Variants in ZAP70 observed in about 807,000 individuals in gnomAD.
The protein encoded by ZAP70 is zeta chain of T cell receptor associated protein kinase 70.
ZAP70 carries 27 observed loss-of-function variants against 65.8 expected under a neutral mutation model. The observed-to-expected ratio is 0.41, with a 90% CI of 0.30 to 0.57. The LOEUF is 0.57. Ranked by LOEUF, ZAP70 falls within the 20% of genes least tolerant of loss-of-function variation. The probability of loss-of-function intolerance (pLI) is 0.28; values close to 1 mark genes in which losing one functional copy is unlikely to be tolerated. For synonymous variants in ZAP70, 363 were observed against 360.8 expected (o/e 1.01, Z -0.07); for missense variants, 696 against 870.5 (o/e 0.80, Z 2.52).
At chr2:97,738,338 C>T in intron 13 of ZAP70, 1 of 587,996 alleles carries the variant, frequency 1.7e-6, no homozygotes, top group East Asian at 2.9e-5. Context: ...GGGCCTGTGC[C>T]TCAGCATCTA....
Position 97,724,237 on chromosome 2 carries a change from C to T in ZAP70, c.201C>T (p.Gly67=), listed in dbSNP as rs1677280795. The change falls in exon 3 of 14, where the codon GGC becomes GGT. Residue 67 remains glycine (G), a synonymous_variant. Transcript: ENST00000264972. ...HHFPIERQLN[G]TYAIAGGKAH... ...TTCCCATCGAGCGCCAGCTCAACGG[C>T]ACCTACGCCATTGCCGGCGGCAAAG... The T allele has an allele frequency of 6.2e-7, 1 of 1,603,840 alleles. No individual in the cohort carries two copies. Among genetic ancestry groups the T allele is most frequent in the East Asian group, 2.2e-5 (1 of 44,666 alleles).
intron 2 of ZAP70, among the ~76,000 whole-genome samples, chr2:97,718,434 C>T (rs994618396): frequency 1.4e-4 from 22 of 152,146 alleles, no homozygotes; most frequent in African/African-American, 5.1e-4. Context: ...CCATGGGGTC[C>T]CTGGGAACTT....
At chr2:97,726,618 G>A (rs977416702) in intron 4 of ZAP70, among the ~76,000 whole-genome samples, 1 of 152,242 alleles carries the variant, frequency 6.6e-6, no homozygotes, top group Non-Finnish European at 1.5e-5. Flanking sequence ...TCTGTAGATT[G>A]CCTGCAGGCC....
At chr2:97,721,453 G>A (rs528002356) in intron 2 of ZAP70, among the ~76,000 whole-genome samples, 124 of 152,088 alleles carry the variant, frequency 8.2e-4, no homozygotes, top group African/African-American at 2.6e-3. Flanking sequence ...TCACTCTGTC[G>A]CCCAGGCTGG....
Position 97,737,436 on chromosome 2 carries a change from C to A in ZAP70, c.1290-37C>A. On this transcript the variant is annotated intron_variant, in intron 10 of 13. Coordinates refer to ENST00000264972, the MANE Select transcript of ZAP70 (RefSeq NM_001079.4). The surrounding 1 kb of genome is among the most constrained non-coding windows in gnomAD (Gnocchi z 5.0). The stretch of plus-strand genomic sequence containing the variant: ...CTTTGCCCCTGGGAACTTGGCTAGT[C>A]TTCTCCCAGCTGACCCCGCCTTCCC... 6.2e-7 allele frequency: 1 copy of A among 1,611,326 alleles called. No individual in the cohort carries two copies. The highest frequency in any genetic ancestry group is 1.1e-5 in the South Asian group (1 of 91,000).
chr2:97,724,864 C>G, intron 3 of ZAP70: 1 of 1,528,144 alleles, frequency 6.5e-7, no homozygotes, highest in Non-Finnish European at 8.8e-7. Flanking sequence ...GGTCTTCAAG[C>G]TGGAGATGCG....
rs1426554436 is a variant in ZAP70, at chr2:97,715,665, T to C, written c.-22+1671T>C. 6.6e-6 allele frequency among the ~76,000 whole-genome samples: 1 copy of C among 152,196 alleles called. No homozygotes were observed. Among genetic ancestry groups the C allele is most frequent in the African/African-American group, 2.4e-5 (1 of 41,456 alleles). ...GGAGTGGTTAGTGCTGGCTGCTGCA[T>C]TGGACAGACCTGAGTTCAAATCCTG... On this transcript the variant is annotated intron_variant, in intron 2 of 13. Coordinates refer to ENST00000264972, the MANE Select transcript of ZAP70 (RefSeq NM_001079.4). The surrounding 1 kb of genome is among the most constrained non-coding windows in gnomAD (Gnocchi z 4.1).
the ZAP70 span, among the ~76,000 whole-genome samples, chr2:97,755,851 GAC>G: frequency 1.3e-5 from 2 of 152,210 alleles, no homozygotes; most frequent in Non-Finnish European, 2.9e-5. Flanking sequence ...TGGTGAGTTG[GAC>G]ACAGACTGTT....
intron 9 of ZAP70, chr2:97,734,922 T>C: frequency 1.3e-6 from 1 of 746,432 alleles, no homozygotes; most frequent in Non-Finnish European, 2.1e-6. Flanking sequence ...AGGGGGAGGC[T>C]GTGGAGCTGA....
At chr2:97,738,924 C>T (rs1486631609) in intron 13 of ZAP70, among the ~76,000 whole-genome samples, 3 of 152,248 alleles carry the variant, frequency 2.0e-5, no homozygotes, top group South Asian at 2.1e-4. Flanking sequence ...TGCCGCTCCC[C>T]GCTGGCCAGA....
intron 4 of ZAP70, among the ~76,000 whole-genome samples, chr2:97,726,172 C>T (rs746705491): frequency 1.3e-5 from 2 of 152,076 alleles, no homozygotes; most frequent in African/African-American, 2.4e-5. Context: ...TGTGGGTGAA[C>T]GTGCGTGTCT....
chr2:97,719,835 A>G (rs1436644827), intron 2 of ZAP70, among the ~76,000 whole-genome samples: 3 of 152,020 alleles, frequency 2.0e-5, no homozygotes, highest in Non-Finnish European at 2.9e-5. Context: ...TATTCCCCCA[A>G]ATTCCGTCCT....
At chr2:97,735,819 C>G (rs999830326) in intron 10 of ZAP70, among the ~76,000 whole-genome samples, 2 of 152,160 alleles carry the variant, frequency 1.3e-5, no homozygotes, top group Non-Finnish European at 2.9e-5. Context: ...CCAGACCATC[C>G]TGGCCAACAT....
At chr2:97,717,454 G>A (rs940920469) in intron 2 of ZAP70, among the ~76,000 whole-genome samples, 14 of 150,100 alleles carry the variant, frequency 9.3e-5, no homozygotes, top group African/African-American at 2.7e-4. Context: ...TGGCTGGGGG[G>A]ACACGAGGAG....
At chr2:97,749,774 G>A in the ZAP70 span, among the ~76,000 whole-genome samples, 1 of 152,192 alleles carries the variant, frequency 6.6e-6, no homozygotes, top group Non-Finnish European at 1.5e-5. Flanking sequence ...CAGTTCTGCT[G>A]AGAGGCGGGG....
In ZAP70 at chr2:97,734,701, C is replaced by T; in HGVS notation, c.1071C>T (p.Tyr357=). Residue 357 remains tyrosine, a synonymous_variant, in exon 9 of 14, where the codon TAC becomes TAT. Coordinates refer to ENST00000264972, the MANE Select transcript of ZAP70 (RefSeq NM_001079.4). ...GNFGSVRQGV[Y]RMRKKQIDVA... Reference sequence around the variant, plus strand: ...TTGGCTCAGTGCGCCAGGGCGTGTACCGCATGCGCAAGTATGGCCGCCCCT... The same window carrying T: ...TTGGCTCAGTGCGCCAGGGCGTGTATCGCATGCGCAAGTATGGCCGCCCCT... 6.2e-7 allele frequency: 1 copy of T among 1,613,910 alleles called. No individual in the cohort carries two copies. The highest frequency in any genetic ancestry group is 8.5e-7 in the Non-Finnish European group (1 of 1,180,010).
chr2:97,722,173 T>C (rs899005711), intron 2 of ZAP70, among the ~76,000 whole-genome samples: 2 of 152,144 alleles, frequency 1.3e-5, no homozygotes, highest in Non-Finnish European at 2.9e-5. Flanking sequence ...CTCCGCCTCT[T>C]GGGTTCACGA....
At chr2:97,729,481 C>A (rs969410789) in intron 4 of ZAP70, among the ~76,000 whole-genome samples, 2 of 152,184 alleles carry the variant, frequency 1.3e-5, no homozygotes, top group African/African-American at 4.8e-5. Context: ...ATAGTGCCTA[C>A]TTTGTGGGGA....
chr2:97,718,157 C>T (rs987282495), intron 2 of ZAP70, among the ~76,000 whole-genome samples: 3 of 151,986 alleles, frequency 2.0e-5, no homozygotes, highest in African/African-American at 4.8e-5. Flanking sequence ...GTCGGGATGG[C>T]CCAGGCAGGT....
Sources: allele counts gnomAD v4.1 joint callset (sites outside exome capture counted in the v4.1 genomes callset), GRCh38; gene constraint gnomAD v4.1.1; non-coding constraint Gnocchi (gnomAD v3.1); transcripts MANE v1.5; gene names NCBI Gene and HGNC (gene_info 2026-07-23, HGNC 2026-07-21).